The following CACNA2D3 variants were observed in gnomAD, a reference collection of about 807,000 sequenced individuals.
CACNA2D3 encodes the protein voltage-dependent calcium channel subunit alpha-2/delta-3.
CACNA2D3 carries 60 observed loss-of-function variants against 160.6 expected under a neutral mutation model. The observed-to-expected ratio is 0.37, with a 90% CI of 0.30 to 0.46. The LOEUF (loss-of-function observed/expected upper bound fraction) is 0.46, where lower values mean the gene tolerates loss of function less well. CACNA2D3 is among the 20% of genes least tolerant of loss of function. The pLI is 1.00. For missense variants in CACNA2D3, 1,205 were observed against 1,365.0 expected, an observed-to-expected ratio of 0.88 and a Z score of 1.85; for synonymous variants, 558 against 492.9, an observed-to-expected ratio of 1.13 and a Z score of -1.75.
At chr3:55,042,347 G>A (rs358497) in intron 35 of CACNA2D3, among the ~76,000 whole-genome samples, 68,951 of 151,828 alleles carry the variant, frequency 0.45, 17,541 homozygotes, top group African/African-American at 0.69. Context: ...TTACACATCT[G>A]GAATTTTTAT....
intron 2 of CACNA2D3, among the ~76,000 whole-genome samples, chr3:54,314,775 C>G (rs1408523997): frequency 6.6e-6 from 1 of 152,212 alleles, no homozygotes. Flanking sequence ...TGGTGTCTAG[C>G]ACCCTGCCTG....
chr3:54,548,811 G>A (rs934472494), intron 5 of CACNA2D3, among the ~76,000 whole-genome samples: 3 of 152,280 alleles, frequency 2.0e-5, no homozygotes, highest in East Asian at 3.9e-4. Context: ...CCTCAAGGCC[G>A]ACTTCAAATT....
At chr3:54,832,372 G>A (rs1260706844) in intron 14 of CACNA2D3, among the ~76,000 whole-genome samples, 1 of 152,190 alleles carries the variant, frequency 6.6e-6, no homozygotes. Context: ...TGACTGCTAA[G>A]AAACCTTGTG....
intron 3 of CACNA2D3, among the ~76,000 whole-genome samples, chr3:54,333,720 G>A (rs1704317667): frequency 6.6e-6 from 1 of 152,186 alleles, no homozygotes; most frequent in Admixed American, 6.5e-5. Flanking sequence ...CAAAGAGCCT[G>A]CTTTTTAATT....
rs138692369 is a variant in CACNA2D3, at chr3:55,013,914, TAAAG to T, written c.2876-4288_2876-4285del. Among the ~76,000 whole-genome samples, 1,177 of 152,214 alleles carry T rather than the reference TAAAG, an allele frequency of 7.7e-3. 13 individuals carry two copies. Among genetic ancestry groups the T allele is most frequent in the African/African-American group, 0.027 (1,127 of 41,516 alleles). Reference sequence around the variant, plus strand: ...GGGACATTTGTTGCTAAGGGAAAATTAAAGAAATTCAGTTGTGCGGACGCTCCCT... The same window carrying T: ...GGGACATTTGTTGCTAAGGGAAAATTAAATTCAGTTGTGCGGACGCTCCCT... On this transcript the variant is annotated intron_variant, in intron 34 of 37. Transcript: ENST00000474759.
intron 2 of CACNA2D3, among the ~76,000 whole-genome samples, chr3:54,236,065 T>G (rs1701871133): frequency 6.6e-6 from 1 of 152,174 alleles, no homozygotes; most frequent in African/African-American, 2.4e-5. Context: ...ACCTGTAACC[T>G]CAGTCTCCTC....
At chr3:54,447,879 T>A (rs967645395) in intron 4 of CACNA2D3, among the ~76,000 whole-genome samples, 2 of 152,222 alleles carry the variant, frequency 1.3e-5, no homozygotes, top group Non-Finnish European at 2.9e-5. Context: ...GTAATGGATT[T>A]ATGTTCTTCA....
At chr3:54,463,468 C>G (rs1002873250) in intron 4 of CACNA2D3, among the ~76,000 whole-genome samples, 1 of 152,110 alleles carries the variant, frequency 6.6e-6, no homozygotes. Flanking sequence ...AGGCTTTGTT[C>G]ATTTCTTTTT....
chr3:54,857,107 G>A (rs923300893), intron 17 of CACNA2D3, among the ~76,000 whole-genome samples: 1 of 152,164 alleles, frequency 6.6e-6, no homozygotes, highest in Non-Finnish European at 1.5e-5. Context: ...CTGAGTCCTG[G>A]AGGATGAGAA....
chr3:54,998,127 C>A (rs1055903977), intron 31 of CACNA2D3, among the ~76,000 whole-genome samples: 22 of 126,968 alleles, frequency 1.7e-4, no homozygotes, highest in African/African-American at 6.5e-4. Flanking sequence ...TCAATTAATT[C>A]TTTTTTTTTT....
chr3:54,885,954 G>A (rs887629448), intron 23 of CACNA2D3, among the ~76,000 whole-genome samples: 42 of 152,158 alleles, frequency 2.8e-4, no homozygotes, highest in Non-Finnish European at 1.5e-4. Context: ...CCTCATTCAA[G>A]GCTATATCTA....
chr3:54,311,316 G>A (rs1703736191), intron 2 of CACNA2D3, among the ~76,000 whole-genome samples: 5 of 152,096 alleles, frequency 3.3e-5, no homozygotes, highest in Admixed American at 3.3e-4. Context: ...ATCTCTCCTT[G>A]CTGCCCCTTT....
chr3:54,695,079 A>G (rs1700640651), intron 11 of CACNA2D3, among the ~76,000 whole-genome samples: 1 of 152,038 alleles, frequency 6.6e-6, no homozygotes, highest in African/African-American at 2.4e-5. Context: ...GTGCAATGGC[A>G]CAGTCTCGGC....
intron 3 of CACNA2D3, among the ~76,000 whole-genome samples, chr3:54,342,081 C>T (rs956328826): frequency 6.6e-6 from 1 of 152,044 alleles, no homozygotes; most frequent in Non-Finnish European, 1.5e-5. Context: ...ACACAGTTGG[C>T]AAGTGGGTGA....
chr3:54,541,953 G>A (rs760893163), intron 5 of CACNA2D3, among the ~76,000 whole-genome samples: 31 of 148,412 alleles, frequency 2.1e-4, no homozygotes, highest in African/African-American at 6.0e-4. Flanking sequence ...TTTTTTTTTC[G>A]TACAATTTTT....
At chr3:54,363,196 A>G (rs1281862208) in intron 3 of CACNA2D3, among the ~76,000 whole-genome samples, 1 of 151,304 alleles carries the variant, frequency 6.6e-6, no homozygotes, top group African/African-American at 2.4e-5. Flanking sequence ...TCCATCTCCA[A>G]ATATATATAT....
At chr3:54,761,427 T>C (rs1702078711) in intron 12 of CACNA2D3, among the ~76,000 whole-genome samples, 4 of 152,176 alleles carry the variant, frequency 2.6e-5, no homozygotes, top group Admixed American at 2.6e-4. Flanking sequence ...AGAGATGAAA[T>C]ATTTTCTTTC....
chr3:54,805,765 A>G (rs1291196411), intron 13 of CACNA2D3, among the ~76,000 whole-genome samples: 4 of 152,202 alleles, frequency 2.6e-5, no homozygotes, highest in African/African-American at 9.7e-5. Context: ...AGAATTTTAG[A>G]CCAATATCCT....
At chr3:54,995,077 G>A (rs1575426958) in intron 31 of CACNA2D3, among the ~76,000 whole-genome samples, 2 of 152,016 alleles carry the variant, frequency 1.3e-5, no homozygotes, top group Admixed American at 6.6e-5. Flanking sequence ...GGATTCAAGC[G>A]ATTTTCCTGC....
Sources: gnomAD v4.1 joint callset for allele counts (sites outside exome capture counted in the v4.1 genomes callset) on GRCh38, gnomAD v4.1.1 for gene constraint, MANE v1.5 for transcripts, NCBI Gene and HGNC (gene_info 2026-07-23, HGNC 2026-07-21) for gene names.